PRKN: variants seen among roughly 807,000 people sequenced by gnomAD.
The protein encoded by PRKN is parkin RBR E3 ubiquitin protein ligase, also known as E3 ubiquitin-protein ligase parkin.
A neutral mutation model predicts 59.5 loss-of-function variants in PRKN; 56 were observed. The ratio of observed to expected loss-of-function variants is 0.94; its 90% CI spans 0.76 to 1.18. The LOEUF is 1.18. Ranked by LOEUF, PRKN falls within the 50% of genes most tolerant of loss-of-function variation. The pLI, the probability that PRKN is intolerant of heterozygous loss-of-function variation, is 0.00. For synonymous variants in PRKN, 250 were observed against 222.1 expected, an observed-to-expected ratio of 1.13 and a Z score of -1.12; for missense variants, 657 against 596.4, an observed-to-expected ratio of 1.10 and a Z score of -1.06.
At chr6:161,703,718 C>T (rs534534676) in intron 7 of PRKN, among the ~76,000 whole-genome samples, 137 of 152,180 alleles carry the variant, frequency 9.0e-4, no homozygotes, top group Non-Finnish European at 1.7e-3. Context: ...CTTTATCTCC[C>T]CTCTACAACC....
At chr6:162,448,197 G>A (rs552106788) in intron 1 of PRKN, among the ~76,000 whole-genome samples, 54 of 152,078 alleles carry the variant, frequency 3.6e-4, no homozygotes, top group African/African-American at 1.1e-3. Flanking sequence ...GGTTAATTGC[G>A]GCAACACAAA....
chr6:162,498,891 T>C (rs1793227186), intron 1 of PRKN, among the ~76,000 whole-genome samples: 1 of 152,174 alleles, frequency 6.6e-6, no homozygotes, highest in East Asian at 1.9e-4. Flanking sequence ...AAGATGCTAC[T>C]GAAAATGATC....
At chr6:161,774,382 GCACACACACA>G (rs3220723) in intron 7 of PRKN, among the ~76,000 whole-genome samples, 3,755 of 130,932 alleles carry the variant, frequency 0.029, 115 homozygotes, top group African/African-American at 0.074. Flanking sequence ...TACTCCCTGA[GCACACACACA>G]CACACACACA....
At chr6:161,875,819 C>T (rs1463064998) in intron 6 of PRKN, among the ~76,000 whole-genome samples, 1 of 152,086 alleles carries the variant, frequency 6.6e-6, no homozygotes, top group African/African-American at 2.4e-5. Flanking sequence ...ATCTTGACCT[C>T]GAACTCATGT....
rs181415700 is a variant in PRKN at position 162,155,615 on chromosome 6, T to G, written c.534+45516A>C. On this transcript the variant is annotated intron_variant, in intron 4 of 11. Transcript: ENST00000366898. ...AAAAGTGATCTCAGAACATTCATAG[T>G]AAAGTCCATCAAGCGGAAAAGAACA... Among the ~76,000 whole-genome samples the G allele has an allele frequency of 1.5e-3, 229 of 152,176 alleles. 6 individuals are homozygous for G. The highest frequency in any genetic ancestry group is 0.013 in the Admixed American group (197 of 15,274).
intron 1 of PRKN, among the ~76,000 whole-genome samples, chr6:162,540,860 C>T (rs1443085854): frequency 1.9e-4 from 29 of 151,570 alleles, no homozygotes; most frequent in Admixed American, 1.9e-3. Flanking sequence ...AATTTCTGGA[C>T]ATATCTGTCC....
intron 4 of PRKN, among the ~76,000 whole-genome samples, chr6:162,059,608 G>T (rs1160869027): frequency 1.3e-5 from 2 of 152,196 alleles, no homozygotes; most frequent in Non-Finnish European, 2.9e-5. Context: ...GTAGAAGGGA[G>T]CTATGGATGA....
Position 162,121,459 on chromosome 6 carries a change from C to T in PRKN, c.535-67285G>A, listed in dbSNP as rs553595894. ...ACAGTACTTGATGGGCCTCCTTGGG[C>T]TTATATGTCACTTGTACTGCTTTCA... On this transcript the variant is annotated intron_variant, in intron 4 of 11. Transcript: ENST00000366898. Among the ~76,000 whole-genome samples, 37 of 152,246 alleles carry T rather than the reference C, an allele frequency of 2.4e-4. 2 individuals are homozygous for T. The South Asian group carries it at 7.3e-3, about 30-fold the overall frequency.
chr6:161,731,320 C>G (rs1787702628), intron 7 of PRKN, among the ~76,000 whole-genome samples: 1 of 152,238 alleles, frequency 6.6e-6, no homozygotes, highest in African/African-American at 2.4e-5. Context: ...ACACTGTGAA[C>G]TATTGCCTAG....
At chr6:161,944,848 T>G (rs991409455) in intron 6 of PRKN, among the ~76,000 whole-genome samples, 4 of 152,210 alleles carry the variant, frequency 2.6e-5, no homozygotes, top group African/African-American at 7.2e-5. Flanking sequence ...GAGTTAACTT[T>G]TACTGTATCA....
chr6:161,422,621 C>A (rs1292889830), intron 9 of PRKN, among the ~76,000 whole-genome samples: 1 of 151,708 alleles, frequency 6.6e-6, no homozygotes, highest in Non-Finnish European at 1.5e-5. Context: ...CTTTTTTATT[C>A]CCCCTTTCTC....
intron 7 of PRKN, among the ~76,000 whole-genome samples, chr6:161,753,757 C>A (rs1459073554): frequency 6.6e-6 from 1 of 152,114 alleles, no homozygotes; most frequent in African/African-American, 2.4e-5. Flanking sequence ...AATGGGAACA[C>A]AAGTGCCAGA....
intron 6 of PRKN, among the ~76,000 whole-genome samples, chr6:161,971,701 T>A (rs1780814395): frequency 6.7e-6 from 1 of 149,316 alleles, no homozygotes; most frequent in Non-Finnish European, 1.5e-5. Context: ...TGGAAACAGG[T>A]TTGTTCAACA....
chr6:162,554,879 C>T (rs770840068), intron 1 of PRKN, among the ~76,000 whole-genome samples: 9 of 152,138 alleles, frequency 5.9e-5, no homozygotes, highest in Admixed American at 3.9e-4. Flanking sequence ...ATTCCAAAAG[C>T]AGAGTGTATC....
At chr6:162,253,367 G>A (rs1583271872) in intron 3 of PRKN, among the ~76,000 whole-genome samples, 1 of 152,172 alleles carries the variant, frequency 6.6e-6, no homozygotes, top group East Asian at 1.9e-4. Flanking sequence ...AATGACTGCT[G>A]TTGCTTGTCA....
At chr6:161,757,840 T>TCCCTCTCTCC (rs1273935807) in intron 7 of PRKN, among the ~76,000 whole-genome samples, 16 of 100,134 alleles carry the variant, frequency 1.6e-4, no homozygotes, top group African/African-American at 4.0e-4. Context: ...TCCATCTCTC[T>TCCCTCTCTCC]CTCTCTCTCT....
intron 7 of PRKN, among the ~76,000 whole-genome samples, chr6:161,662,208 G>C (rs1296164256): frequency 6.6e-6 from 1 of 152,106 alleles, no homozygotes; most frequent in Non-Finnish European, 1.5e-5. Flanking sequence ...AGTGCACGTA[G>C]AGGGGGTTCT....
At chr6:161,601,860 G>A (rs1036664782) in intron 7 of PRKN, among the ~76,000 whole-genome samples, 3 of 152,138 alleles carry the variant, frequency 2.0e-5, no homozygotes, top group Admixed American at 6.5e-5. Context: ...GGGATTACAG[G>A]CATGAGCCAC....
chr6:161,771,680 T>C (rs1789701223), intron 7 of PRKN, among the ~76,000 whole-genome samples: 1 of 152,200 alleles, frequency 6.6e-6, no homozygotes, highest in South Asian at 2.1e-4. Flanking sequence ...ACATGTGAGA[T>C]CACCTGGAGG....
Sources: gnomAD v4.1 joint callset for allele counts (sites outside exome capture counted in the v4.1 genomes callset) on GRCh38, gnomAD v4.1.1 for gene constraint, MANE v1.5 for transcripts, NCBI Gene and HGNC (gene_info 2026-07-23, HGNC 2026-07-21) for gene names.